The following PTPRN2 variants were observed in gnomAD, a reference collection of about 807,000 sequenced individuals.
The protein encoded by PTPRN2 is protein tyrosine phosphatase receptor type N2.
Under a neutral mutation model 118.8 loss-of-function variants are expected in PTPRN2, and 74 were observed. The ratio of observed to expected loss-of-function variants is 0.62; its 90% CI spans 0.52 to 0.76. The LOEUF (loss-of-function observed/expected upper bound fraction) is 0.76. PTPRN2 is among the 30% of genes least tolerant of loss of function. PTPRN2 has a pLI of 0.00. For synonymous variants in PTPRN2, 641 were observed against 608.0 expected, an observed-to-expected ratio of 1.05 and a Z score of -0.80; for missense variants, 1,481 against 1,394.4, an observed-to-expected ratio of 1.06 and a Z score of -0.99.
chr7:158,351,742 G>A (rs1464515188), intron 2 of PTPRN2, among the ~76,000 whole-genome samples: 3 of 152,094 alleles, frequency 2.0e-5, no homozygotes, highest in Non-Finnish European at 4.4e-5. Flanking sequence ...AGCCTTCTGA[G>A]TGACAGATAT....
intron 21 of PTPRN2, among the ~76,000 whole-genome samples, chr7:157,562,624 A>G (rs1038124648): frequency 6.6e-6 from 1 of 152,212 alleles, no homozygotes; most frequent in African/African-American, 2.4e-5. Context: ...ACACGATTCG[A>G]CAAAGACGTT....
intron 10 of PTPRN2, among the ~76,000 whole-genome samples, chr7:158,088,199 G>T (rs368354593): frequency 1.3e-3 from 36 of 28,126 alleles, no homozygotes; most frequent in Admixed American, 2.7e-3. Context: ...CCTCCCCTGA[G>T]GAAAGAGGGA....
intron 5 of PTPRN2, among the ~76,000 whole-genome samples, chr7:158,174,479 C>A (rs1824005611): frequency 6.6e-6 from 1 of 151,176 alleles, no homozygotes; most frequent in African/African-American, 2.5e-5. Flanking sequence ...AGCTTCCCAC[C>A]ATCATCATCA....
Position 158,517,498 on chromosome 7 carries a change from C to T in PTPRN2, c.113-27713G>A, listed in dbSNP as rs1032591305. On this transcript the variant is annotated intron_variant, in intron 1 of 22. Transcript: ENST00000389418. The surrounding 1 kb of genome is among the most constrained non-coding windows in gnomAD (Gnocchi z 5.3). ...GGGCCTGACTCTGCCTCAGCCCCAC[C>T]GCCCCCCAGCCTGAGCCCCGTTCCA... Among the ~76,000 whole-genome samples the T allele has an allele frequency of 2.0e-5, 3 of 152,158 alleles. No individual in the cohort carries two copies. The highest frequency in any genetic ancestry group is 4.4e-5 in the Non-Finnish European group (3 of 68,018).
At chr7:158,336,391 C>T (rs376931723) in intron 2 of PTPRN2, among the ~76,000 whole-genome samples, 25 of 119,076 alleles carry the variant, frequency 2.1e-4, no homozygotes, top group Admixed American at 4.1e-4. Flanking sequence ...GCAGACGTCA[C>T]TCACACCCAC....
chr7:157,648,872 G>A (rs1339204240), intron 14 of PTPRN2, among the ~76,000 whole-genome samples: 4 of 134,066 alleles, frequency 3.0e-5, no homozygotes, highest in East Asian at 2.9e-4. Context: ...TCGGTGGGTC[G>A]GACCCATCCA....
intron 3 of PTPRN2, among the ~76,000 whole-genome samples, chr7:158,217,421 C>G (rs977659551): frequency 2.0e-5 from 3 of 152,192 alleles, no homozygotes; most frequent in Non-Finnish European, 4.4e-5. Flanking sequence ...CAGCAAAACT[C>G]TTATGAGAAA....
At chr7:158,245,487 C>T (rs974242710) in intron 3 of PTPRN2, among the ~76,000 whole-genome samples, 1 of 152,274 alleles carries the variant, frequency 6.6e-6, no homozygotes, top group East Asian at 1.9e-4. Flanking sequence ...TCTCATAGAG[C>T]GCATGGGCCG....
chr7:158,343,311 C>A (rs993404188), intron 2 of PTPRN2, among the ~76,000 whole-genome samples: 2 of 152,186 alleles, frequency 1.3e-5, no homozygotes, highest in Non-Finnish European at 2.9e-5. Flanking sequence ...CCCAGCATCA[C>A]CAGCGTCAAG....
chr7:157,765,865 C>CCATG (rs1241435751), intron 12 of PTPRN2, among the ~76,000 whole-genome samples: 1 of 147,890 alleles, frequency 6.8e-6, no homozygotes, highest in African/African-American at 2.5e-5. Context: ...ATCCATCCAT[C>CCATG]CATCCATCAT....
intron 17 of PTPRN2, among the ~76,000 whole-genome samples, chr7:157,586,906 A>G (rs1800707127): frequency 6.6e-6 from 1 of 152,332 alleles, no homozygotes; most frequent in African/African-American, 2.4e-5. Context: ...GTTTTTAAAA[A>G]TTAGGTGGTG....
At chr7:158,066,977 C>T (rs1810823322) in intron 11 of PTPRN2, among the ~76,000 whole-genome samples, 2 of 152,262 alleles carry the variant, frequency 1.3e-5, no homozygotes, top group South Asian at 2.1e-4. Context: ...ACAAAAATTA[C>T]AGTAGGGAGT....
intron 12 of PTPRN2, among the ~76,000 whole-genome samples, chr7:157,693,036 C>T (rs969314291): frequency 4.1e-4 from 62 of 152,020 alleles, no homozygotes; most frequent in Admixed American, 1.4e-3. Context: ...CCAGGCCCGG[C>T]CCTGGGCAGA....
chr7:158,379,897 CA>C (rs1010722336), intron 2 of PTPRN2, among the ~76,000 whole-genome samples: 12 of 152,260 alleles, frequency 7.9e-5, no homozygotes, highest in South Asian at 6.2e-4. Flanking sequence ...CAAAGAGGAG[CA>C]AAGTCACATC....
At chr7:158,056,621 G>A (rs1156321222) in intron 11 of PTPRN2, among the ~76,000 whole-genome samples, 3 of 152,194 alleles carry the variant, frequency 2.0e-5, no homozygotes, top group African/African-American at 7.2e-5. Flanking sequence ...ACAAAGCTCG[G>A]TCAGCTGCTG....
intron 12 of PTPRN2, among the ~76,000 whole-genome samples, chr7:157,875,861 G>A (rs569992849): frequency 1.2e-4 from 17 of 147,350 alleles, no homozygotes; most frequent in African/African-American, 2.0e-4. Context: ...GGGCAGGCAC[G>A]GGGCTGCAGA....
chr7:158,559,317 CTG>C (rs1359130573), intron 1 of PTPRN2, among the ~76,000 whole-genome samples: 4 of 152,220 alleles, frequency 2.6e-5, no homozygotes, highest in African/African-American at 9.6e-5. Context: ...CTTCTCAACA[CTG>C]TAATATTTTA....
At chr7:158,131,498 A>C (rs573467363) in intron 9 of PTPRN2, among the ~76,000 whole-genome samples, 1 of 151,708 alleles carries the variant, frequency 6.6e-6, no homozygotes, top group East Asian at 1.9e-4. Context: ...ATACACACAA[A>C]CCAATACACA....
chr7:157,922,235 T>C (rs934795201), intron 11 of PTPRN2, among the ~76,000 whole-genome samples: 1 of 152,248 alleles, frequency 6.6e-6, no homozygotes, highest in African/African-American at 2.4e-5. Context: ...ACCAGGATTC[T>C]GTTCAACATC....
Sources: gnomAD v4.1 joint callset for allele counts (sites outside exome capture counted in the v4.1 genomes callset) on GRCh38, gnomAD v4.1.1 for gene constraint, Gnocchi (gnomAD v3.1) non-coding constraint, MANE v1.5 for transcripts, NCBI Gene and HGNC (gene_info 2026-07-23, HGNC 2026-07-21) for gene names.